ARHGAP10: variants seen among roughly 807,000 people sequenced by gnomAD.
The protein encoded by ARHGAP10 is Rho GTPase activating protein 10.
ARHGAP10 carries 87 observed loss-of-function variants against 108.6 expected under a neutral mutation model. The ratio of observed to expected loss-of-function variants is 0.80; its 90% CI spans 0.67 to 0.96. ARHGAP10 has a LOEUF of 0.96. ARHGAP10 is among the 40% of genes least tolerant of loss of function. The pLI, the probability that ARHGAP10 is intolerant of heterozygous loss-of-function variation, is 0.00. For synonymous variants in ARHGAP10, 347 were observed against 341.1 expected, an observed-to-expected ratio of 1.02 and a Z score of -0.19; for missense variants, 939 against 954.5, an observed-to-expected ratio of 0.98 and a Z score of 0.21.
At chr4:147,779,185 C>T (rs114717516) in intron 1 of ARHGAP10, among the ~76,000 whole-genome samples, 5,095 of 152,138 alleles carry the variant, frequency 0.033, 318 homozygotes, top group African/African-American at 0.11. Context: ...AGGGGCTGCA[C>T]GTGAGAACCA....
intron 1 of ARHGAP10, among the ~76,000 whole-genome samples, chr4:147,799,104 G>A (rs555425696): frequency 1.3e-5 from 2 of 151,384 alleles, no homozygotes; most frequent in Non-Finnish European, 2.9e-5. Context: ...GTGTGATGTC[G>A]GCTCACTGCA....
At chr4:147,908,333 GA>G (rs1736585538) in intron 11 of ARHGAP10, among the ~76,000 whole-genome samples, 1 of 151,872 alleles carries the variant, frequency 6.6e-6, no homozygotes, top group Non-Finnish European at 1.5e-5. Context: ...TTAAAATACA[GA>G]AAAAAAATAA....
At chr4:147,810,389 A>G (rs573878475) in intron 1 of ARHGAP10, among the ~76,000 whole-genome samples, 11 of 152,240 alleles carry the variant, frequency 7.2e-5, no homozygotes, top group Admixed American at 5.9e-4. Context: ...ATTGGCCCTT[A>G]GCTCTGAAAC....
At chr4:147,964,994 T>G (rs1218576725) in intron 16 of ARHGAP10, 30 bp from the exon 17 acceptor site, 1 of 1,444,542 alleles carries the variant, frequency 6.9e-7, no homozygotes, top group Non-Finnish European at 9.3e-7. Flanking sequence ...TTCTTTATTT[T>G]TTTCTTTATT....
At position 148,027,896 on chromosome 4, in the gene ARHGAP10, GT is replaced by G. The variant is rs369372130; in HGVS notation, c.1867+4491del. Among the ~76,000 whole-genome samples, 6 of 151,806 alleles carry G rather than the reference GT, an allele frequency of 4.0e-5. No individual in the cohort carries two copies. The South Asian group carries it at 1.0e-3, about 26-fold the overall frequency. ...ATGGAATGCTGTTAGCCATTTGGAA[GT>G]TTTTTTTGCCTCTACCATTTATTAG... On this transcript the variant is annotated intron_variant, in intron 19 of 22. Transcript: ENST00000336498.
intron 5 of ARHGAP10, 53 bp downstream of exon 5, chr4:147,857,707 G>T: frequency 1.5e-6 from 2 of 1,329,150 alleles, no homozygotes; most frequent in South Asian, 1.8e-5. Flanking sequence ...AGCAATACAT[G>T]TCTTTTAAAA....
intron 1 of ARHGAP10, among the ~76,000 whole-genome samples, chr4:147,814,409 T>A (rs575023786): frequency 1.3e-3 from 200 of 152,256 alleles, no homozygotes; most frequent in Middle Eastern, 6.8e-3. Flanking sequence ...AAGTTTCTCA[T>A]TTGTGCCGTG....
intron 1 of ARHGAP10, among the ~76,000 whole-genome samples, chr4:147,756,080 T>C (rs1403188289): frequency 6.7e-6 from 1 of 148,246 alleles, no homozygotes; most frequent in Non-Finnish European, 1.5e-5. Flanking sequence ...GCCTTTTTCC[T>C]CATGGTTGCA....
At chr4:147,807,356 G>C (rs558303260) in intron 1 of ARHGAP10, among the ~76,000 whole-genome samples, 23 of 151,912 alleles carry the variant, frequency 1.5e-4, no homozygotes, top group African/African-American at 5.5e-4. Flanking sequence ...GATTGTATTA[G>C]GTAATAAAAA....
chr4:148,004,271 A>G (rs1006882806), intron 18 of ARHGAP10, among the ~76,000 whole-genome samples: 1 of 152,256 alleles, frequency 6.6e-6, no homozygotes, highest in Non-Finnish European at 1.5e-5. Context: ...AAATTTTGCA[A>G]AAATGCAAAG....
intron 16 of ARHGAP10, 43 bp from the exon 17 acceptor site, chr4:147,964,981 T>A: frequency 7.2e-7 from 1 of 1,380,120 alleles, no homozygotes; most frequent in Non-Finnish European, 9.8e-7. Context: ...TATTGTTTTC[T>A]TTTTCTTTAT....
chr4:148,045,265 G>C (rs1464423850), intron 19 of ARHGAP10, among the ~76,000 whole-genome samples: 3 of 152,090 alleles, frequency 2.0e-5, no homozygotes, highest in Non-Finnish European at 4.4e-5. Flanking sequence ...ACTCCTGCTT[G>C]TCTGGATTCA....
intron 1 of ARHGAP10, among the ~76,000 whole-genome samples, chr4:147,815,168 C>T (rs781303639): frequency 1.9e-4 from 29 of 152,166 alleles, no homozygotes; most frequent in Admixed American, 1.2e-3. Flanking sequence ...ACCCTGCTGC[C>T]GCCCTTGTCC....
chr4:147,974,568 T>G (rs1378511358), intron 18 of ARHGAP10, among the ~76,000 whole-genome samples: 3 of 152,186 alleles, frequency 2.0e-5, no homozygotes, highest in African/African-American at 7.2e-5. Flanking sequence ...TTGATCTTAT[T>G]GAGGGTTTTA....
intron 1 of ARHGAP10, among the ~76,000 whole-genome samples, chr4:147,814,663 A>C (rs1210565669): frequency 2.0e-5 from 3 of 152,156 alleles, no homozygotes; most frequent in Admixed American, 1.3e-4. Context: ...AAAATGTTTG[A>C]ATAATGCTGT....
chr4:147,870,040 G>T (rs1223753643), intron 7 of ARHGAP10, among the ~76,000 whole-genome samples: 2 of 147,594 alleles, frequency 1.4e-5, no homozygotes, highest in African/African-American at 2.5e-5. Flanking sequence ...GTGTGTGTGT[G>T]TGTGTTTCAT....
At chr4:148,062,853 A>G (rs997000296) in intron 20 of ARHGAP10, among the ~76,000 whole-genome samples, 4 of 152,176 alleles carry the variant, frequency 2.6e-5, no homozygotes, top group East Asian at 1.9e-4. Context: ...CCTTTGATCA[A>G]TTAGATTCTG....
intron 1 of ARHGAP10, among the ~76,000 whole-genome samples, chr4:147,760,700 T>G (rs1359708119): frequency 6.6e-6 from 1 of 152,236 alleles, no homozygotes; most frequent in Non-Finnish European, 1.5e-5. Context: ...AACATTGCCC[T>G]TTATTCCCTA....
intron 1 of ARHGAP10, among the ~76,000 whole-genome samples, chr4:147,798,721 GACACTCTC>G (rs1223554554): frequency 8.6e-6 from 1 of 116,158 alleles, no homozygotes; most frequent in African/African-American, 4.8e-5. Context: ...AGGAGTTTGA[GACACTCTC>G]TCTCTCTCTC....
Sources: gnomAD v4.1 joint callset for allele counts (sites outside exome capture counted in the v4.1 genomes callset) on GRCh38, gnomAD v4.1.1 for gene constraint, MANE v1.5 for transcripts, NCBI Gene and HGNC (gene_info 2026-07-23, HGNC 2026-07-21) for gene names.